Variants in OMA1 observed in about 807,000 individuals in gnomAD.
OMA1 encodes the protein metalloendopeptidase OMA1, mitochondrial.
A neutral mutation model predicts 30.9 loss-of-function variants in OMA1; 38 were observed. The ratio of observed to expected loss-of-function variants is 1.23; its 90% CI spans 0.95 to 1.61. The LOEUF is 1.61. OMA1 is among the 40% of genes most tolerant of loss of function. The pLI is 0.00. For synonymous variants in OMA1, 173 were observed against 121.9 expected (o/e 1.42, Z -2.76); for missense variants, 461 against 349.2 (o/e 1.32, Z -2.55).
intron 7 of OMA1, among the ~76,000 whole-genome samples, chr1:58,514,172 A>T (rs1409419125): frequency 6.6e-6 from 1 of 152,210 alleles, no homozygotes; most frequent in African/African-American, 2.4e-5. Context: ...ATGAATTTAC[A>T]AGAAGGTTCT....
At chr1:58,524,099 A>G (rs1646312239) in intron 7 of OMA1, among the ~76,000 whole-genome samples, 1 of 152,210 alleles carries the variant, frequency 6.6e-6, no homozygotes, top group East Asian at 1.9e-4. Context: ...TAAGGAAAGT[A>G]CTTACAAATC....
intron 8 of OMA1, among the ~76,000 whole-genome samples, chr1:58,487,436 TG>T (rs1350147641): frequency 2.6e-5 from 4 of 152,254 alleles, no homozygotes; most frequent in Non-Finnish European, 5.9e-5. Flanking sequence ...TTAAAGTTAT[TG>T]TTTTTATCAA....
chr1:58,522,327 A>C (rs1646277910), intron 7 of OMA1, among the ~76,000 whole-genome samples: 1 of 152,202 alleles, frequency 6.6e-6, no homozygotes, highest in Non-Finnish European at 1.5e-5. Context: ...TTAAAGTTGA[A>C]GAAAAAGTGC....
At chr1:58,482,068 C>T (rs1245519962) in intron 8 of OMA1, among the ~76,000 whole-genome samples, 1 of 152,184 alleles carries the variant, frequency 6.6e-6, no homozygotes, top group African/African-American at 2.4e-5. Flanking sequence ...AAAGTAATCA[C>T]AGTGTACTAT....
chr1:58,541,293 C>CAAAAAAAAAAAAAAAAAAAAAAAA (rs71043292), intron 1 of OMA1, among the ~76,000 whole-genome samples: 1 of 27,572 alleles, frequency 3.6e-5, no homozygotes, highest in African/African-American at 1.1e-4. Context: ...GACTCTGTCT[C>CAAAAAAAAAAAAAAAAAAAAAAAA]AAAAAAAAAA....
chr1:58,493,398 T>G (rs1286268453), intron 8 of OMA1, among the ~76,000 whole-genome samples: 2 of 152,116 alleles, frequency 1.3e-5, no homozygotes, highest in Non-Finnish European at 2.9e-5. Flanking sequence ...TTCAACATAG[T>G]GTTGGAAGTT....
In OMA1 at chr1:58,521,755, T is replaced by C. The variant is rs180894821; in HGVS notation, c.1215+5506A>G. 6.6e-5 allele frequency among the ~76,000 whole-genome samples: 10 copies of C among 152,300 alleles called. No homozygotes were observed. In the East Asian group the frequency reaches 1.9e-3, roughly 29 times the overall value. On this transcript the variant is annotated intron_variant, in intron 7 of 8. Transcript: ENST00000371226. ...ATAGTTCTATATCTATTAAAGAGAC[T>C]GAATCCATAATTAAAGACAAACTCA...
chr1:58,539,043 A>G lies in OMA1; in HGVS notation c.252T>C (p.Ser84=), dbSNP rs756525829. 3 of 872,908 alleles carry G rather than the reference A, an allele frequency of 3.4e-6. No homozygotes were observed. The highest frequency in any genetic ancestry group is 6.0e-6 in the Non-Finnish European group (3 of 501,630). The allele number at this position is 872,908 out of a possible 1,614,324, so 54.1% of individuals were successfully genotyped here. The change falls in exon 2 of 9, where the codon AGT becomes AGC. Residue 84 remains serine (S), a synonymous_variant. Transcript: ENST00000371226. Reference sequence around the variant, plus strand: ...TCCTCCAAATTTCCTTACTTTTGGTACTTGAGAGGCCTCCTGTTCTTTTGT... The same window carrying G: ...TCCTCCAAATTTCCTTACTTTTGGTGCTTGAGAGGCCTCCTGTTCTTTTGT... ...FNNKRTGGLS[S]TKSKEIWRIT... is the part of the protein sequence containing the mutation.
At chr1:58,485,228 T>TTAA (rs533975015) in intron 8 of OMA1, among the ~76,000 whole-genome samples, 560 of 42,030 alleles carry the variant, frequency 0.013, 36 homozygotes, top group Middle Eastern at 0.028. Flanking sequence ...AGTCTACTAC[T>TTAA]AAAAAAAAAA....
chr1:58,487,695 AGTAATTT>A (rs148236858), intron 8 of OMA1, among the ~76,000 whole-genome samples: 96 of 152,274 alleles, frequency 6.3e-4, no homozygotes, highest in African/African-American at 2.1e-3. Flanking sequence ...AAAGTAATTT[AGTAATTT>A]GTAATTTGTA....
At chr1:58,482,828 C>A (rs1645512504) in intron 8 of OMA1, among the ~76,000 whole-genome samples, 1 of 151,988 alleles carries the variant, frequency 6.6e-6, no homozygotes, top group Admixed American at 6.6e-5. Flanking sequence ...GCAGGTACAG[C>A]CGAGTGGAGC....
intron 1 of OMA1, among the ~76,000 whole-genome samples, chr1:58,546,050 G>T (rs1356583215): frequency 6.6e-6 from 1 of 152,206 alleles, no homozygotes; most frequent in Non-Finnish European, 1.5e-5. Context: ...TCTTGTTGAG[G>T]ATTGCACGGC....
intron 8 of OMA1, among the ~76,000 whole-genome samples, chr1:58,484,679 T>C (rs922332230): frequency 7.2e-5 from 11 of 152,136 alleles, no homozygotes; most frequent in African/African-American, 1.4e-4. Context: ...TTTCCTTCGA[T>C]AGGTGAATGG....
intron 8 of OMA1, among the ~76,000 whole-genome samples, chr1:58,497,977 T>C (rs985977031): frequency 3.3e-5 from 5 of 152,194 alleles, no homozygotes; most frequent in African/African-American, 1.2e-4. Context: ...TTAATCTGTC[T>C]TTTAATACAG....
Position 58,534,283 on chromosome 1 carries a change from A to G in OMA1, c.778T>C (p.Tyr260His), listed in dbSNP as rs766146918. The G allele has an allele frequency of 1.2e-6, 1 of 869,032 alleles. No homozygotes were observed. The highest frequency in any genetic ancestry group is 1.3e-5 in the South Asian group (1 of 75,100). 53.8% of individuals were successfully genotyped at this position (869,032 alleles called of 1,614,324 possible). A position where few individuals can be genotyped will look rare whatever the true frequency, so the allele number is the denominator to read the frequency against. ...CAAAGCACTTCTTTAACAGCCAGGT[A>G]TCGGGCATCTTTCTCAGTTAGCATA... Reference protein sequence around the residue: ...NDMLTEKDARYLAVKEVLCHL... With the variant: ...NDMLTEKDARHLAVKEVLCHL... Residue 260 changes from tyrosine to histidine, a missense_variant, in exon 4 of 9, where the codon TAC becomes CAC. Tyr to His is a moderately conservative substitution (Grantham distance 83). Transcript: ENST00000371226.
At chr1:58,538,745 T>C (rs1646557346) in intron 2 of OMA1, 50 bp downstream of exon 2, 1 of 708,992 alleles carries the variant, frequency 1.4e-6, no homozygotes, top group Non-Finnish European at 2.4e-6. Flanking sequence ...GCACAAAATA[T>C]TAATGCAAAA....
chr1:58,531,106 A>T (rs1002506996), intron 5 of OMA1, among the ~76,000 whole-genome samples: 1 of 152,232 alleles, frequency 6.6e-6, no homozygotes, highest in African/African-American at 2.4e-5. Context: ...TATTACTAAA[A>T]GGACCAGAAA....
At chr1:58,516,948 G>A (rs911445451) in intron 7 of OMA1, among the ~76,000 whole-genome samples, 2 of 152,154 alleles carry the variant, frequency 1.3e-5, no homozygotes, top group African/African-American at 4.8e-5. Flanking sequence ...GGTTGCCTAG[G>A]AAGGAGAGAA....
At chr1:58,545,264 G>A (rs1212973699) in intron 1 of OMA1, among the ~76,000 whole-genome samples, 1 of 152,160 alleles carries the variant, frequency 6.6e-6, no homozygotes, top group Non-Finnish European at 1.5e-5. Flanking sequence ...CATTTCTCAT[G>A]ACTTGTGTAA....
Sources: gnomAD v4.1 joint callset for allele counts (sites outside exome capture counted in the v4.1 genomes callset) on GRCh38, gnomAD v4.1.1 for gene constraint, MANE v1.5 for transcripts, NCBI Gene and HGNC (gene_info 2026-07-23, HGNC 2026-07-21) for gene names.